SLC20A1: variants seen among roughly 807,000 people sequenced by gnomAD.
SLC20A1 encodes solute carrier family 20 member 1.
In SLC20A1, 28 loss-of-function variants were observed where a neutral mutation model predicts 62.7. The ratio of observed to expected loss-of-function variants is 0.45; its 90% confidence interval spans 0.33 to 0.61. The LOEUF (loss-of-function observed/expected upper bound fraction) is 0.61, where lower values mean the gene tolerates loss of function less well. Ranked by LOEUF, SLC20A1 falls within the 20% of genes least tolerant of loss-of-function variation. The pLI is 0.02. For missense variants in SLC20A1, 673 were observed against 838.6 expected (o/e 0.80, Z 2.44); for synonymous variants, 305 against 302.9 (o/e 1.01, Z -0.07).
chr2:112,654,334 A>G (rs774927413), intron 5 of SLC20A1, among the ~76,000 whole-genome samples: 5 of 152,208 alleles, frequency 3.3e-5, no homozygotes, highest in Non-Finnish European at 5.9e-5. Flanking sequence ...GTCTCCCATG[A>G]TGCTCTTAAC....
chr2:112,651,148 A>G (rs771171072), intron 4 of SLC20A1, among the ~76,000 whole-genome samples: 8 of 152,164 alleles, frequency 5.3e-5, no homozygotes, highest in Admixed American at 2.0e-4. Flanking sequence ...GTGGTTTTCA[A>G]TGAGTGCTCA....
At chr2:112,651,107 A>G (rs1247787064) in intron 4 of SLC20A1, among the ~76,000 whole-genome samples, 1 of 152,186 alleles carries the variant, frequency 6.6e-6, no homozygotes, top group Non-Finnish European at 1.5e-5. Context: ...AACATTCTCT[A>G]TTAAACTATA....
chr2:112,652,548 G>A lies in SLC20A1; in HGVS notation c.562-154G>A, dbSNP rs571499538. ...ATTAGCCTTCGTAGGAAGAATTCCA[G>A]ATGCAAATGCAGGAAAAACTCTGTT... is the stretch of plus-strand genomic sequence containing the variant. On this transcript the variant is annotated intron_variant, in intron 4 of 10. Coordinates refer to ENST00000272542, the MANE Select transcript of SLC20A1 (RefSeq NM_005415.5). 1.0e-4 allele frequency: 63 copies of A among 619,656 alleles called. 1 individual carries two copies. In the South Asian group the frequency reaches 1.3e-3, roughly 12 times the overall value. 38.4% of individuals were successfully genotyped at this position (619,656 alleles called of 1,614,324 possible). A position where few individuals can be genotyped will look rare whatever the true frequency, so the allele number is the denominator to read the frequency against.
intron 9 of SLC20A1, 60 bp downstream of exon 9, chr2:112,660,632 C>A: frequency 7.2e-7 from 1 of 1,390,226 alleles, no homozygotes; most frequent in Non-Finnish European, 9.8e-7. Flanking sequence ...AGATATAACA[C>A]TGTCGAGTGC....
Position 112,659,480 on chromosome 2 carries a change from G to C in SLC20A1, c.1325G>C (p.Gly442Ala). 2 of 1,614,192 alleles carry C rather than the reference G, an allele frequency of 1.2e-6. No individual in the cohort carries two copies. Among genetic ancestry groups the C allele is most frequent in the Non-Finnish European group, 1.7e-6 (2 of 1,180,040 alleles). ...CGTGCCAAAGAAGGTGAACAGAAGG[G>C]CGAAGAAATGGAGAAGCTGACATGG... ...SFRAKEGEQK[G>A]EEMEKLTWPN... The change falls in exon 8 of 11, where the codon GGC (glycine) becomes GCC (alanine). Residue 442 changes from glycine to alanine, a missense_variant. By Grantham distance (60) the Gly-to-Ala change is moderately conservative. Transcript: ENST00000272542.
intron 4 of SLC20A1, among the ~76,000 whole-genome samples, chr2:112,648,946 A>G (rs1400844174): frequency 2.6e-5 from 4 of 152,232 alleles, no homozygotes; most frequent in South Asian, 2.1e-4. Flanking sequence ...TTAGAACTGT[A>G]TATCTTGCTA....
chr2:112,646,798 T>C lies in SLC20A1; in HGVS notation c.-31T>C, dbSNP rs1360525884. On this transcript the variant is annotated 5_prime_UTR_variant, in exon 2 of 11. Coordinates refer to ENST00000272542, the MANE Select transcript of SLC20A1 (RefSeq NM_005415.5). ...ACACATCTTGAAAGGCGCTCAGTAGTTCTCTTACTAAACAACCACTACTCC... is the reference window on the plus strand; with the variant it reads ...ACACATCTTGAAAGGCGCTCAGTAGCTCTCTTACTAAACAACCACTACTCC... 3 of 1,539,298 alleles carry C rather than the reference T, an allele frequency of 1.9e-6. No homozygotes were observed. The highest frequency in any genetic ancestry group is 1.1e-5 in the South Asian group (1 of 87,132).
intron 2 of SLC20A1, 77 bp from the exon 3 acceptor site, chr2:112,647,247 C>G: frequency 6.3e-7 from 1 of 1,582,456 alleles, no homozygotes; most frequent in Admixed American, 1.7e-5. Flanking sequence ...CATAACCTTT[C>G]CGATTAACCT....
intron 5 of SLC20A1, among the ~76,000 whole-genome samples, chr2:112,654,827 C>T (rs1288616150): frequency 7.0e-6 from 1 of 142,436 alleles, no homozygotes. Flanking sequence ...GCCTGGTAGG[C>T]GGAGGTTGCA....
At chr2:112,646,268 TGCCCGCCCGCGG>T (rs1476694184) in intron 1 of SLC20A1, 139 bp downstream of exon 1, 1 of 151,978 alleles carries the variant, frequency 6.6e-6, no homozygotes, top group Non-Finnish European at 1.5e-5. Flanking sequence ...TCCGCCCGTC[TGCCCGCCCGCGG>T]GCCTTTTTGG....
At chr2:112,654,099 A>G (rs1238570863) in intron 5 of SLC20A1, among the ~76,000 whole-genome samples, 1 of 152,032 alleles carries the variant, frequency 6.6e-6, no homozygotes, top group African/African-American at 2.4e-5. Flanking sequence ...CCAATATTTT[A>G]ATTTTTTACC....
Position 112,659,315 on chromosome 2 carries a change from T to A in SLC20A1, c.1160T>A (p.Leu387Gln), listed in dbSNP as rs781328277. 1.2e-6 allele frequency: 2 copies of A among 1,614,112 alleles called. No homozygotes were observed. Among genetic ancestry groups the A allele is most frequent in the African/African-American group, 2.7e-5 (2 of 74,926 alleles). The part of the protein sequence containing the change: ...QYHTVHKDSG[L>Q]YKELLHKLHL... ...CACACCGTGCATAAGGATTCCGGCC[T>A]GTACAAAGAGCTACTCCATAAATTA... The change falls in exon 8 of 11, where the codon CTG becomes CAG. Residue 387 changes from leucine (L) to glutamine (Q), a missense_variant. By Grantham distance (113) the Leu-to-Gln change is moderately radical. Transcript: ENST00000272542.
chr2:112,662,785 C>G, intron 10 of SLC20A1, 79 bp from the exon 11 acceptor site: 1 of 1,469,528 alleles, frequency 6.8e-7, no homozygotes, highest in Non-Finnish European at 9.3e-7. Context: ...GCTCCTTGTC[C>G]AAACAGTCTC....
At chr2:112,656,914 C>A in intron 5 of SLC20A1, 1 of 604,502 alleles carries the variant, frequency 1.7e-6, no homozygotes, top group South Asian at 1.8e-5. Context: ...GTGGGCTAGG[C>A]TGGTGTGGGT....
At chr2:112,651,190 T>C (rs919929834) in intron 4 of SLC20A1, among the ~76,000 whole-genome samples, 17 of 152,230 alleles carry the variant, frequency 1.1e-4, no homozygotes, top group African/African-American at 4.1e-4. Context: ...ACCTTTACTT[T>C]ACACATGGGT....
rs1558689430 is a variant in SLC20A1 at position 112,647,170 on chromosome 2, C to G, written c.334+8C>G. The G allele has an allele frequency of 6.2e-7, 1 of 1,607,858 alleles. No homozygotes were observed. Among genetic ancestry groups the G allele is most frequent in the Admixed American group, 1.7e-5 (1 of 59,550 alleles). ...CAGTCAGTGCTATGTTTGGTAAGTT[C>G]TTTTTATGTTTTGTCCTCTTCGTGG... On this transcript the variant is annotated splice_region_variant and intron_variant, in intron 2 of 10. Transcript: ENST00000272542.
chr2:112,660,835 A>C (rs1319546629), intron 9 of SLC20A1: 1 of 434,230 alleles, frequency 2.3e-6, no homozygotes, highest in African/African-American at 2.6e-5. Context: ...AGTTATGTAT[A>C]CTTGCCTTTT....
chr2:112,660,272 C>T (rs1294971880), intron 8 of SLC20A1, 115 bp from the exon 9 acceptor site: 6 of 877,732 alleles, frequency 6.8e-6, no homozygotes, highest in South Asian at 5.0e-5. Context: ...GCCCTTTTGC[C>T]AGATGAGCTT....
rs1407824029 is a variant in SLC20A1, at chr2:112,646,760, T to A, written c.-69T>A. 6.3e-6 allele frequency: 6 copies of A among 958,222 alleles called. No homozygotes were observed. Among genetic ancestry groups the A allele is most frequent in the Non-Finnish European group, 4.8e-6 (3 of 621,638 alleles). 59.4% of individuals were successfully genotyped at this position (958,222 alleles called of 1,614,324 possible). A position where few individuals can be genotyped will look rare whatever the true frequency, so the allele number is the denominator to read the frequency against. On this transcript the variant is annotated 5_prime_UTR_variant, in exon 2 of 11. Coordinates refer to ENST00000272542, the MANE Select transcript of SLC20A1 (RefSeq NM_005415.5). Reference sequence around the variant, plus strand: ...TATTTATTATAGCATTTTTGATACCTCATATTCTGTTTACACATCTTGAAA... The same window carrying A: ...TATTTATTATAGCATTTTTGATACCACATATTCTGTTTACACATCTTGAAA...
Sources: allele counts gnomAD v4.1 joint callset (sites outside exome capture counted in the v4.1 genomes callset), GRCh38; gene constraint gnomAD v4.1.1; transcripts MANE v1.5; gene names NCBI Gene and HGNC (gene_info 2026-07-23, HGNC 2026-07-21).